The following NAV2 variants were observed in gnomAD, a reference collection of about 807,000 sequenced individuals.
The protein encoded by NAV2 is neuron navigator 2.
NAV2 carries 54 observed loss-of-function variants against 223.2 expected under a neutral mutation model. The observed-to-expected ratio is 0.24, with a 90% CI of 0.19 to 0.30. NAV2 has a LOEUF of 0.30. Ranked by LOEUF, NAV2 falls within the 10% of genes least tolerant of loss-of-function variation. NAV2 has a pLI of 1.00. For missense variants in NAV2, 2,806 were observed against 3,147.5 expected (o/e 0.89, Z 2.60); for synonymous variants, 1,279 against 1,239.3 (o/e 1.03, Z -0.67).
At chr11:19,355,408 T>C (rs1250419211) in intron 1 of NAV2, among the ~76,000 whole-genome samples, 1 of 152,192 alleles carries the variant, frequency 6.6e-6, no homozygotes, top group Admixed American at 6.5e-5. Flanking sequence ...TTTAGTGTAA[T>C]TAAAATTTCT....
At chr11:20,048,608 G>A in intron 14 of NAV2, 120 bp from the exon 15 acceptor site, 1 of 813,692 alleles carries the variant, frequency 1.2e-6, no homozygotes, top group African/African-American at 1.7e-5. Context: ...ATTTCAGTAG[G>A]AATGGCTGTG....
chr11:19,460,184 TC>T (rs991042013), intron 1 of NAV2, among the ~76,000 whole-genome samples: 5 of 152,346 alleles, frequency 3.3e-5, no homozygotes, highest in Admixed American at 3.3e-4. Context: ...CTAGTTTCTT[TC>T]CTTTTTCCTT....
intron 3 of NAV2, among the ~76,000 whole-genome samples, chr11:19,846,453 A>G (rs1269648261): frequency 5.9e-5 from 9 of 152,162 alleles, no homozygotes; most frequent in Admixed American, 5.9e-4. Context: ...ATTCCTGCAT[A>G]TGGGGGAGAA....
intron 1 of NAV2, among the ~76,000 whole-genome samples, chr11:19,530,723 A>T (rs970645980): frequency 2.6e-4 from 39 of 152,350 alleles, no homozygotes; most frequent in Middle Eastern, 3.4e-3. Flanking sequence ...AATAAACGAT[A>T]AAAAACCAAG....
intron 1 of NAV2, among the ~76,000 whole-genome samples, chr11:19,624,793 A>G (rs951788396): frequency 1.3e-5 from 2 of 152,176 alleles, no homozygotes; most frequent in African/African-American, 4.8e-5. Flanking sequence ...CCCCAGTGAG[A>G]TGAACCCGGT....
intron 1 of NAV2, among the ~76,000 whole-genome samples, chr11:19,442,142 T>C (rs1318786433): frequency 1.3e-5 from 2 of 152,024 alleles, no homozygotes; most frequent in African/African-American, 4.8e-5. Context: ...GGAAGTGGAG[T>C]GGAGCTCCGA....
chr11:19,777,414 T>TC (rs1393536025), intron 1 of NAV2: 1 of 443,378 alleles, frequency 2.3e-6, no homozygotes, highest in Non-Finnish European at 4.5e-6. Flanking sequence ...GCTTTTTTTT[T>TC]TTTTCCCCTC....
chr11:19,533,766 G>A (rs1345097799), intron 1 of NAV2, among the ~76,000 whole-genome samples: 1 of 129,538 alleles, frequency 7.7e-6, no homozygotes. Flanking sequence ...GAGTGCAGTG[G>A]CGGGATCTCG....
intron 1 of NAV2, among the ~76,000 whole-genome samples, chr11:19,560,723 A>G (rs1046919325): frequency 1.3e-5 from 2 of 152,196 alleles, no homozygotes; most frequent in Non-Finnish European, 2.9e-5. Flanking sequence ...CATCTTTCTG[A>G]GTGTCTGGTC....
intron 10 of NAV2, among the ~76,000 whole-genome samples, chr11:19,971,662 CAA>C (rs369707003): frequency 7.9e-4 from 120 of 152,336 alleles, no homozygotes; most frequent in African/African-American, 2.7e-3. Context: ...TCCAGGAAGA[CAA>C]TGACTGATTT....
intron 1 of NAV2, among the ~76,000 whole-genome samples, chr11:19,686,852 A>G (rs780959347): frequency 6.6e-6 from 1 of 152,214 alleles, no homozygotes; most frequent in Admixed American, 6.5e-5. Context: ...TCTTTAATGG[A>G]TACTTCTTAG....
intron 3 of NAV2, among the ~76,000 whole-genome samples, chr11:19,851,281 A>G (rs2061105840): frequency 6.6e-6 from 1 of 152,154 alleles, no homozygotes; most frequent in Non-Finnish European, 1.5e-5. Flanking sequence ...TTGCTATTCT[A>G]CATGTAAAGG....
chr11:19,925,194 G>A (rs560015838), intron 6 of NAV2, among the ~76,000 whole-genome samples: 3 of 152,212 alleles, frequency 2.0e-5, no homozygotes, highest in South Asian at 2.1e-4. Context: ...TCAGATATGC[G>A]ATTTATAAAT....
At chr11:19,410,763 GGAA>G (rs1023628192) in intron 1 of NAV2, among the ~76,000 whole-genome samples, 53 of 152,316 alleles carry the variant, frequency 3.5e-4, no homozygotes, top group African/African-American at 1.2e-3. Flanking sequence ...GGGATCATGG[GGAA>G]GAAGAAGGGC....
intron 1 of NAV2, among the ~76,000 whole-genome samples, chr11:19,491,038 G>C (rs1017386777): frequency 3.7e-4 from 56 of 152,196 alleles, no homozygotes; most frequent in African/African-American, 1.3e-3. Context: ...TTTTTCTGAG[G>C]AGTAGGTCTC....
chr11:19,975,320 T>C (rs2568122), intron 10 of NAV2, among the ~76,000 whole-genome samples: 28,637 of 152,228 alleles, frequency 0.19, 3,201 homozygotes, highest in East Asian at 0.55. Flanking sequence ...ATAATTAAAA[T>C]TTTACATATC....
intron 4 of NAV2, among the ~76,000 whole-genome samples, chr11:19,873,912 A>T (rs963321611): frequency 6.6e-6 from 1 of 152,172 alleles, no homozygotes; most frequent in African/African-American, 2.4e-5. Context: ...CAGCCGGCCC[A>T]ACTGCAGGGA....
At chr11:19,619,449 A>G (rs1433681188) in intron 1 of NAV2, among the ~76,000 whole-genome samples, 1 of 152,072 alleles carries the variant, frequency 6.6e-6, no homozygotes, top group East Asian at 1.9e-4. Context: ...GATGATCACC[A>G]TTCTAACTGG....
intron 1 of NAV2, among the ~76,000 whole-genome samples, chr11:19,560,624 C>A (rs1227005686): frequency 6.6e-6 from 1 of 152,198 alleles, no homozygotes; most frequent in African/African-American, 2.4e-5. Context: ...AACTCTAAAG[C>A]ACTGTACAAA....
Sources: allele counts gnomAD v4.1 joint callset (sites outside exome capture counted in the v4.1 genomes callset), GRCh38; gene constraint gnomAD v4.1.1; transcripts MANE v1.5; gene names NCBI Gene and HGNC (gene_info 2026-07-23, HGNC 2026-07-21).